HDLBP: variants seen among roughly 807,000 people sequenced by gnomAD.
The protein encoded by HDLBP is vigilin.
HDLBP carries 30 observed loss-of-function variants against 137.3 expected under a neutral mutation model. That is an observed-to-expected ratio of 0.22 (90% CI 0.16 to 0.30). HDLBP has a LOEUF of 0.30. Ranked by LOEUF, HDLBP falls within the 10% of genes least tolerant of loss-of-function variation. The pLI is 1.00. For missense variants in HDLBP, 1,119 were observed against 1,667.3 expected, an observed-to-expected ratio of 0.67 and a Z score of 5.73; for synonymous variants, 606 against 596.0, an observed-to-expected ratio of 1.02 and a Z score of -0.24.
At chr2:241,302,250 T>C (rs2075422188) in intron 1 of HDLBP, among the ~76,000 whole-genome samples, 1 of 152,022 alleles carries the variant, frequency 6.6e-6, no homozygotes, top group African/African-American at 2.4e-5. Context: ...AGCAAGACCC[T>C]GTGTCAAACA....
intron 5 of HDLBP, among the ~76,000 whole-genome samples, chr2:241,258,442 T>C (rs1020740896): frequency 1.3e-5 from 2 of 151,322 alleles, no homozygotes; most frequent in Non-Finnish European, 2.9e-5. Context: ...GAGAACTGCC[T>C]GAGCCTAGGA....
At position 241,240,822 on chromosome 2, in the gene HDLBP, G is replaced by A. The variant is rs1348630459; in HGVS notation, c.2170-700C>T. Among the ~76,000 whole-genome samples the A allele has an allele frequency of 2.6e-5, 4 of 152,282 alleles. No individual in the cohort carries two copies. The highest frequency in any genetic ancestry group is 2.1e-4 in the South Asian group (1 of 4,822). On this transcript the variant is annotated intron_variant, in intron 17 of 27. Transcript: ENST00000310931. The surrounding 1 kb of genome is among the most constrained non-coding windows in gnomAD (Gnocchi z 5.5). ...ACACCAGTGCTTCTGGCAGACCCAC[G>A]CAGGGGCCCCGAGAAGGGCGCTGCT...
At chr2:241,242,957 T>C (rs934307905) in intron 16 of HDLBP, among the ~76,000 whole-genome samples, 11 of 152,008 alleles carry the variant, frequency 7.2e-5, no homozygotes, top group African/African-American at 2.4e-4. Flanking sequence ...CTATGCTGGA[T>C]TGGGAGGTGG....
At chr2:241,254,995 C>A (rs1394431002) in intron 9 of HDLBP, 56 bp downstream of exon 9, 1 of 1,331,186 alleles carries the variant, frequency 7.5e-7, no homozygotes, top group Non-Finnish European at 1.1e-6. Context: ...ATATCAGAAA[C>A]AGAAAGACAG....
chr2:241,310,306 A>T (rs1249432420), intron 1 of HDLBP, among the ~76,000 whole-genome samples: 1 of 152,220 alleles, frequency 6.6e-6, no homozygotes, highest in Non-Finnish European at 1.5e-5. Flanking sequence ...AAAGGGTACA[A>T]AACATCAATT....
chr2:241,242,814 A>T, intron 16 of HDLBP, 136 bp from the exon 17 acceptor site: 1 of 771,200 alleles, frequency 1.3e-6, no homozygotes, highest in Non-Finnish European at 2.1e-6. Flanking sequence ...ACAAGCACTG[A>T]CCAAACTTCT....
At chr2:241,256,552 C>T in intron 6 of HDLBP, 48 bp downstream of exon 6, 1 of 1,590,636 alleles carries the variant, frequency 6.3e-7, no homozygotes, top group Non-Finnish European at 8.6e-7. Context: ...GGAGTGAGGT[C>T]TGCACAAGCA....
At chr2:241,283,668 G>A (rs1317349308) in intron 1 of HDLBP, among the ~76,000 whole-genome samples, 1 of 152,018 alleles carries the variant, frequency 6.6e-6, no homozygotes, top group Non-Finnish European at 1.5e-5. Flanking sequence ...TAGAGATGGG[G>A]TTTCACCGTG....
intron 1 of HDLBP, among the ~76,000 whole-genome samples, chr2:241,302,128 T>G (rs1203355528): frequency 6.6e-6 from 1 of 151,704 alleles, no homozygotes; most frequent in Non-Finnish European, 1.5e-5. Flanking sequence ...GTACAGTGCC[T>G]GTAGTATGCT....
intron 21 of HDLBP, 24 bp downstream of exon 21, chr2:241,236,591 G>C (rs371419708): frequency 6.2e-7 from 1 of 1,612,226 alleles, no homozygotes; most frequent in Non-Finnish European, 8.5e-7. Flanking sequence ...GGCGGGGGGT[G>C]GAGGGGGGCA....
chr2:241,315,507 C>T (rs2076041188), intron 1 of HDLBP, 63 bp downstream of exon 1: 1 of 152,702 alleles, frequency 6.5e-6, no homozygotes, highest in Non-Finnish European at 1.5e-5. Context: ...GCACTTGTCT[C>T]CTTCTAACAA....
chr2:241,308,694 G>C (rs909362744), intron 1 of HDLBP, among the ~76,000 whole-genome samples: 4 of 152,212 alleles, frequency 2.6e-5, no homozygotes, highest in African/African-American at 7.2e-5. Flanking sequence ...TGAAGTAGCT[G>C]AAGGCACAAA....
rs563403097 is a variant in HDLBP, at chr2:241,309,726, G to A, written c.-103+5844C>T. ...GGTATCGCTTTTCTGTCTGCAAAGGGAAGTAGAATCTTTGGACTGGGGACA... is the reference window on the plus strand; with the variant it reads ...GGTATCGCTTTTCTGTCTGCAAAGGAAAGTAGAATCTTTGGACTGGGGACA... On this transcript the variant is annotated intron_variant, in intron 1 of 27. Transcript: ENST00000310931. 1.3e-5 allele frequency among the ~76,000 whole-genome samples: 2 copies of A among 152,342 alleles called. 1 individual carries two copies. The highest frequency in any genetic ancestry group is 1.3e-4 in the Admixed American group (2 of 15,306).
Position 241,235,202 on chromosome 2 carries a change from C to T in HDLBP, c.3063G>A (p.Thr1021=), listed in dbSNP as rs201100143. Residue 1021 remains threonine, a synonymous_variant, in exon 23 of 28, where the codon ACG becomes ACA. Transcript: ENST00000310931. ...PELQSDIIAI[T]GLAANLDRAK... Reference sequence around the variant, plus strand: ...CCCGGTCCAAATTTGCAGCGAGGCCCGTGATGGCGATGATGTCAGACTGCA... The same window carrying T: ...CCCGGTCCAAATTTGCAGCGAGGCCTGTGATGGCGATGATGTCAGACTGCA... The T allele has an allele frequency of 1.1e-5, 18 of 1,614,060 alleles. No homozygotes were observed. The highest frequency in any genetic ancestry group is 4.5e-5 in the East Asian group (2 of 44,892).
In HDLBP at chr2:241,230,135, A is replaced by AG; in HGVS notation, c.3591+17dup. ...CGTGCCAGGGCGCCTCAGGGCTCCA[A>AG]GGCCCACAGAGACTCACGTATTCCT... is the stretch of plus-strand genomic sequence containing the variant. On this transcript the variant is annotated intron_variant, in intron 26 of 27. Transcript: ENST00000310931. This position sits in a 1 kb window ranked among gnomAD's most constrained non-coding sequence, Gnocchi z 5.0. The AG allele has an allele frequency of 6.3e-7, 1 of 1,599,386 alleles. No homozygotes were observed. Among genetic ancestry groups the AG allele is most frequent in the Non-Finnish European group, 8.6e-7 (1 of 1,166,730 alleles).
At chr2:241,247,247 T>C in intron 14 of HDLBP, 105 bp from the exon 15 acceptor site, 1 of 726,622 alleles carries the variant, frequency 1.4e-6, no homozygotes, top group Non-Finnish European at 2.5e-6. Context: ...AGCACTGGTA[T>C]TTGCAAACAA....
intron 16 of HDLBP, among the ~76,000 whole-genome samples, chr2:241,246,234 C>T (rs376041553): frequency 7.8e-5 from 11 of 141,532 alleles, no homozygotes; most frequent in Admixed American, 2.2e-4. Context: ...CTACTGTGGC[C>T]GAAAGCAGAC....
chr2:241,267,844 G>C (rs2073794858), intron 2 of HDLBP: 1 of 1,434,842 alleles, frequency 7.0e-7, no homozygotes, highest in South Asian at 1.4e-5. Flanking sequence ...TCGCACAGCA[G>C]GGGAAACCTG....
At position 241,272,541 on chromosome 2, in the gene HDLBP, G is replaced by C; in HGVS notation, c.-102-4000C>G. On this transcript the variant is annotated intron_variant, in intron 1 of 27. Transcript: ENST00000310931. This position sits in a 1 kb window ranked among gnomAD's most constrained non-coding sequence, Gnocchi z 5.6. ...CCACGGCCACGCGCAGAAGAGACTC[G>C]GAGCCGGCCCCAGGTCTGGCCCGGA... 1.0e-6 allele frequency: 1 copy of C among 984,482 alleles called. No individual in the cohort carries two copies. The highest frequency in any genetic ancestry group is 1.2e-6 in the Non-Finnish European group (1 of 829,622). 61.0% of individuals were successfully genotyped at this position (984,482 alleles called of 1,614,324 possible). A position where few individuals can be genotyped will look rare whatever the true frequency, so the allele number is the denominator to read the frequency against.
Sources: gnomAD v4.1 joint callset for allele counts (sites outside exome capture counted in the v4.1 genomes callset) on GRCh38, gnomAD v4.1.1 for gene constraint, Gnocchi (gnomAD v3.1) non-coding constraint, MANE v1.5 for transcripts, NCBI Gene and HGNC (gene_info 2026-07-23, HGNC 2026-07-21) for gene names.